The following RNF4 variants were observed in gnomAD, a reference collection of about 807,000 sequenced individuals.
RNF4 encodes the protein ring finger protein 4.
In RNF4, 7 loss-of-function variants were observed where a neutral mutation model predicts 24.3. The ratio of observed to expected loss-of-function variants is 0.29; its 90% CI spans 0.16 to 0.54. The LOEUF (loss-of-function observed/expected upper bound fraction) is 0.54, where lower values mean the gene tolerates loss of function less well. RNF4 is among the 20% of genes least tolerant of loss of function. RNF4 has a pLI of 0.95. For synonymous variants in RNF4, 83 were observed against 84.3 expected (o/e 0.98, Z 0.09); for missense variants, 209 against 248.5 (o/e 0.84, Z 1.07).
intron 4 of RNF4, among the ~76,000 whole-genome samples, chr4:2,508,573 G>C (rs1471947427): frequency 1.3e-5 from 2 of 152,026 alleles, no homozygotes; most frequent in Non-Finnish European, 2.9e-5. Context: ...TTTTTTGTTT[G>C]TTTGGTTTTT....
intron 4 of RNF4, among the ~76,000 whole-genome samples, chr4:2,501,154 T>C (rs1303903678): frequency 2.6e-5 from 4 of 152,190 alleles, no homozygotes; most frequent in African/African-American, 9.7e-5. Flanking sequence ...TCACTTTCCA[T>C]GAAATGGGGA....
chr4:2,475,629 C>T (rs191238745), intron 1 of RNF4, among the ~76,000 whole-genome samples: 4 of 152,282 alleles, frequency 2.6e-5, no homozygotes, highest in African/African-American at 7.2e-5. Flanking sequence ...TGAGCCACCT[C>T]GCCTGGCCCA....
At chr4:2,511,665 C>A (rs889412606) in intron 4 of RNF4, among the ~76,000 whole-genome samples, 1 of 151,914 alleles carries the variant, frequency 6.6e-6, no homozygotes, top group South Asian at 2.1e-4. Context: ...GTCTTGCAGT[C>A]AGCACATGGT....
intron 1 of RNF4, among the ~76,000 whole-genome samples, chr4:2,475,686 T>G (rs1735049633): frequency 6.6e-6 from 1 of 152,152 alleles, no homozygotes; most frequent in Non-Finnish European, 1.5e-5. Flanking sequence ...GTCTTGCCCT[T>G]TTGTCCAGGC....
chr4:2,469,216 C>T lies in RNF4; in HGVS notation c.-200C>T, dbSNP rs1398600509. 1.3e-5 allele frequency: 2 copies of T among 152,188 alleles called. No individual in the cohort carries two copies. 9.4% of individuals were successfully genotyped at this position (152,188 alleles called of 1,614,324 possible). The stretch of plus-strand genomic sequence containing the variant: ...TGCGCCGGCGGTGGCGCCTGCGGAC[C>T]TAACTAGCTCCAGGTTAGGCCGAGC... On this transcript the variant is annotated 5_prime_UTR_variant, in exon 1 of 8. Coordinates refer to ENST00000314289, the MANE Select transcript of RNF4 (RefSeq NM_002938.5).
At chr4:2,481,165 T>C (rs1735232628) in intron 1 of RNF4, 1 of 152,258 alleles carries the variant, frequency 6.6e-6, no homozygotes, top group Non-Finnish European at 1.5e-5. Flanking sequence ...ATCTGTAAAC[T>C]GACTGAGGCC....
At chr4:2,494,555 ATTTT>A (rs1334621588) in intron 2 of RNF4, 1 of 150,758 alleles carries the variant, frequency 6.6e-6, no homozygotes, top group Non-Finnish European at 1.5e-5. Flanking sequence ...TTTTTTTTGT[ATTTT>A]TTAGTAGAGA....
intron 4 of RNF4, among the ~76,000 whole-genome samples, chr4:2,511,000 T>C (rs1454056631): frequency 1.3e-5 from 2 of 152,246 alleles, no homozygotes; most frequent in Admixed American, 6.5e-5. Context: ...CTCTGTTAGT[T>C]ACTTGTAACA....
At chr4:2,483,002 G>A (rs1206017425) in intron 1 of RNF4, among the ~76,000 whole-genome samples, 1 of 152,170 alleles carries the variant, frequency 6.6e-6, no homozygotes, top group Non-Finnish European at 1.5e-5. Context: ...GTTCCTCCTG[G>A]GGTGAAGGTT....
At chr4:2,495,190 G>A (rs188277606) in intron 2 of RNF4, among the ~76,000 whole-genome samples, 4 of 152,306 alleles carry the variant, frequency 2.6e-5, no homozygotes, top group South Asian at 2.1e-4. Flanking sequence ...TCCTTAGTCC[G>A]TGGGAAGTTA....
intron 1 of RNF4, chr4:2,489,717 T>C (rs1735523611): frequency 6.6e-6 from 1 of 152,278 alleles, no homozygotes; most frequent in Non-Finnish European, 1.5e-5. Flanking sequence ...CATGCGTCGC[T>C]GACGCTGAGT....
chr4:2,504,726 A>ATTT (rs1182588172), intron 4 of RNF4, among the ~76,000 whole-genome samples: 709 of 61,096 alleles, frequency 0.012, 44 homozygotes, highest in African/African-American at 0.032. Flanking sequence ...CATTTTTTGT[A>ATTT]TTTTTTTTTT....
At chr4:2,489,011 C>T (rs1257691098) in intron 1 of RNF4, among the ~76,000 whole-genome samples, 1 of 152,018 alleles carries the variant, frequency 6.6e-6, no homozygotes, top group African/African-American at 2.4e-5. Context: ...CGGGGTTTCA[C>T]CATATTGGCC....
At chr4:2,483,327 A>T (rs1735297914) in intron 1 of RNF4, among the ~76,000 whole-genome samples, 1 of 152,214 alleles carries the variant, frequency 6.6e-6, no homozygotes, top group Admixed American at 6.5e-5. Flanking sequence ...TCAATTAAAG[A>T]TGTGGACACT....
At chr4:2,490,949 G>A (rs749380758) in intron 2 of RNF4, among the ~76,000 whole-genome samples, 4 of 152,188 alleles carry the variant, frequency 2.6e-5, no homozygotes, top group Admixed American at 6.5e-5. Flanking sequence ...GTAGCCAGGC[G>A]TGGTGGGGCG....
intron 2 of RNF4, among the ~76,000 whole-genome samples, chr4:2,496,159 C>A (rs1735730001): frequency 6.6e-6 from 1 of 152,126 alleles, no homozygotes; most frequent in African/African-American, 2.4e-5. Context: ...TCTTTGAGTT[C>A]TTTGTGGGGA....
chr4:2,488,650 C>G (rs1300780776), intron 1 of RNF4, among the ~76,000 whole-genome samples: 1 of 152,128 alleles, frequency 6.6e-6, no homozygotes, highest in African/African-American at 2.4e-5. Flanking sequence ...TGTGCCTGCA[C>G]TGTTCCAAAC....
At chr4:2,483,876 A>G (rs1735316462) in intron 1 of RNF4, among the ~76,000 whole-genome samples, 1 of 151,668 alleles carries the variant, frequency 6.6e-6, no homozygotes, top group Non-Finnish European at 1.5e-5. Context: ...CTTGTTGCGC[A>G]GGCTGGAGTG....
rs1452161617 is a variant in RNF4 at position 2,490,342 on chromosome 4, G to C, written c.-152G>C. 12 of 668,002 alleles carry C rather than the reference G, an allele frequency of 1.8e-5. No homozygotes were observed. The East Asian group carries it at 3.0e-4, about 17-fold the overall frequency. The allele number at this position is 668,002 out of a possible 1,614,324, so 41.4% of individuals were successfully genotyped here. On this transcript the variant is annotated 5_prime_UTR_variant, in exon 2 of 8. Transcript: ENST00000314289. Reference sequence around the variant, plus strand: ...TTAATATCTTTGTTTTTCAGGACTTGAAAATACTGGAAATCTGTCCGGATC... The same window carrying C: ...TTAATATCTTTGTTTTTCAGGACTTCAAAATACTGGAAATCTGTCCGGATC...
Sources: allele counts gnomAD v4.1 joint callset (sites outside exome capture counted in the v4.1 genomes callset), GRCh38; gene constraint gnomAD v4.1.1; transcripts MANE v1.5; gene names NCBI Gene and HGNC (gene_info 2026-07-23, HGNC 2026-07-21).